The following PAQR6 variants were observed in gnomAD, a reference collection of about 807,000 sequenced individuals.
PAQR6 encodes the protein membrane progestin receptor delta.
Under a neutral mutation model 36.2 loss-of-function variants are expected in PAQR6, and 34 were observed. That is an observed-to-expected ratio of 0.94 (90% CI 0.71 to 1.25). The LOEUF (loss-of-function observed/expected upper bound fraction) is 1.25, where lower values mean the gene tolerates loss of function less well. Among genes scored for constraint, PAQR6 ranks in the 50% most tolerant of loss-of-function variants. PAQR6 has a pLI of 0.00. For missense variants in PAQR6, 431 were observed against 445.7 expected (o/e 0.97, Z 0.30); for synonymous variants, 190 against 190.7 (o/e 1.00, Z 0.03).
intron 5 of PAQR6, 110 bp downstream of exon 5, chr1:156,245,425 G>C: frequency 6.7e-7 from 1 of 1,493,720 alleles, no homozygotes; most frequent in Non-Finnish European, 9.2e-7. Flanking sequence ...GACAGAGGAA[G>C]TCCTCAGTAC....
chr1:156,245,380 A>G, intron 5 of PAQR6, 142 bp from the exon 6 acceptor site: 1 of 1,384,044 alleles, frequency 7.2e-7, no homozygotes, highest in Non-Finnish European at 1.0e-6. Context: ...CCTCCTGTGT[A>G]AAGGACCACA....
Position 156,245,807 on chromosome 1 carries a change from G to C in PAQR6, c.360C>G (p.Tyr120Ter). ...CCAGACTGTAGAGGCTGAGCGCGCC[G>C]TAGTCGAGGAAGTAGCAGATGTGGC... is the stretch of plus-strand genomic sequence containing the variant. ...RMRHICYFLDYGALSLYSLGC... is the reference protein window; with the variant it reads ...RMRHICYFLD Residue 120 changes from tyrosine (Y) to a stop codon, truncating the protein, a stop_gained, in exon 4 of 8, where the codon TAC becomes TAG. Coordinates refer to ENST00000292291, the MANE Select transcript of PAQR6 (RefSeq NM_198406.3). LOFTEE classifies it high-confidence loss of function. The C allele has an allele frequency of 6.2e-7, 1 of 1,603,676 alleles. No individual in the cohort carries two copies. The highest frequency in any genetic ancestry group is 8.5e-7 in the Non-Finnish European group (1 of 1,175,632).
intron 5 of PAQR6, 125 bp from the exon 6 acceptor site, chr1:156,245,363 C>A (rs1360618915): frequency 7.4e-6 from 10 of 1,359,942 alleles, no homozygotes; most frequent in Non-Finnish European, 1.0e-5. Flanking sequence ...ACCGTTAGGG[C>A]ATATGACCTC....
chr1:156,245,261 C>T (rs370031756), intron 5 of PAQR6, 23 bp from the exon 6 acceptor site: 3 of 1,596,082 alleles, frequency 1.9e-6, no homozygotes, highest in Admixed American at 1.7e-5. Context: ...AGGAAAAGGC[C>T]GGTCACCATC....
chr1:156,246,651 G>T (rs748134443), intron 2 of PAQR6, 30 bp downstream of exon 2: 1 of 1,611,174 alleles, frequency 6.2e-7, no homozygotes, highest in Non-Finnish European at 8.5e-7. Context: ...GGGAATGGGG[G>T]TTGGTGGGTC....
At position 156,248,035 on chromosome 1, in the gene PAQR6, G is replaced by C. The variant is rs879808988; in HGVS notation, c.-104C>G. ...CGGGCGGAGTCCAAGGCTGCTGCCA[G>C]CCAGGCTGATGGAGGAAGAGTGGCC... On this transcript the variant is annotated 5_prime_UTR_variant, in exon 1 of 8. Transcript: ENST00000292291. 1.2e-4 allele frequency: 55 copies of C among 463,192 alleles called. No homozygotes were observed. The highest frequency in any genetic ancestry group is 2.2e-4 in the Non-Finnish European group (48 of 223,120). 28.7% of individuals were successfully genotyped at this position (463,192 alleles called of 1,614,324 possible).
chr1:156,244,972 C>T, intron 6 of PAQR6, 61 bp from the exon 7 acceptor site: 5 of 1,597,222 alleles, frequency 3.1e-6, no homozygotes, highest in Non-Finnish European at 4.3e-6. Context: ...TGGGGTGTGT[C>T]TGGGATCTGG....
chr1:156,245,356 G>A (rs1156710170), intron 5 of PAQR6, 118 bp from the exon 6 acceptor site: 4 of 1,372,106 alleles, frequency 2.9e-6, no homozygotes, highest in Admixed American at 1.8e-5. Context: ...TAAGAAAACC[G>A]TTAGGGCATA....
At position 156,245,806 on chromosome 1, in the gene PAQR6, C is replaced by T. The variant is rs201695635; in HGVS notation, c.361G>A (p.Gly121Ser). 1.7e-4 allele frequency: 270 copies of T among 1,603,296 alleles called. No homozygotes were observed. Among genetic ancestry groups the T allele is most frequent in the Admixed American group, 1.7e-4 (10 of 58,058 alleles). The change falls in exon 4 of 8, where the codon GGC (glycine) becomes AGC (serine). Residue 121 changes from glycine (G) to serine (S), a missense_variant. Transcript: ENST00000292291. Reference protein sequence around the residue: ...MRHICYFLDYGALSLYSLGCA... With the variant: ...MRHICYFLDYSALSLYSLGCA... ...CCCAGACTGTAGAGGCTGAGCGCGC[C>T]GTAGTCGAGGAAGTAGCAGATGTGG... is the stretch of plus-strand genomic sequence containing the variant.
chr1:156,246,150 T>C lies in PAQR6; in HGVS notation c.152A>G (p.Asn51Ser). 6.2e-7 allele frequency: 1 copy of C among 1,613,170 alleles called. No individual in the cohort carries two copies. Residue 51 changes from asparagine (N) to serine (S), a missense_variant, in exon 3 of 8, where the codon AAC becomes AGC. Coordinates refer to ENST00000292291, the MANE Select transcript of PAQR6 (RefSeq NM_198406.3). Reference sequence around the variant, plus strand: ...GGTGGGCAGGAAGTGAGTCCAGATGTTGACCGTCTCGTTGGTCATCTGGAA... The same window carrying C: ...GGTGGGCAGGAAGTGAGTCCAGATGCTGACCGTCTCGTTGGTCATCTGGAA... ...SSFQMTNETV[N>S]IWTHFLPTWY...
Position 156,245,770 on chromosome 1 carries a change from T to C in PAQR6, c.385+12A>G. The C allele has an allele frequency of 6.3e-7, 1 of 1,583,156 alleles. No individual in the cohort carries two copies. Among genetic ancestry groups the C allele is most frequent in the Admixed American group, 1.8e-5 (1 of 54,644 alleles). Reference sequence around the variant, plus strand: ...CGCCCAGACCCCGCGCTCCCGCGCCTGTCCGGCTCACCCAGACTGTAGAGG... The same window carrying C: ...CGCCCAGACCCCGCGCTCCCGCGCCCGTCCGGCTCACCCAGACTGTAGAGG... On this transcript the variant is annotated intron_variant, in intron 4 of 7. Transcript: ENST00000292291.
Position 156,244,000 on chromosome 1 carries a change from C to T in PAQR6, c.*129G>A. 6.2e-7 allele frequency: 1 copy of T among 1,614,192 alleles called. No individual in the cohort carries two copies. Among genetic ancestry groups the T allele is most frequent in the Non-Finnish European group, 8.5e-7 (1 of 1,180,024 alleles). On this transcript the variant is annotated 3_prime_UTR_variant, in exon 8 of 8. Coordinates refer to ENST00000292291, the MANE Select transcript of PAQR6 (RefSeq NM_198406.3). ...CTCTTCTCTGCCCTCTCTCCTGTGC[C>T]CTCTCTCCTCAGCCCCTGTTGGTTC...
chr1:156,244,905 G>A lies in PAQR6; in HGVS notation c.616C>T (p.Leu206=). The change falls in exon 7 of 8, where the codon CTG becomes TTG. Residue 206 remains leucine (L), a synonymous_variant. Transcript: ENST00000292291. ...DNLPLFYRLG[L]CWGRGHGCGQ... is the part of the protein sequence containing the mutation. ...CAGCCGTGGCCCCTGCCCCAGCACAGCCCGAGCTGTCAAAGGAAAACCAAG... is the reference window on the plus strand; with the variant it reads ...CAGCCGTGGCCCCTGCCCCAGCACAACCCGAGCTGTCAAAGGAAAACCAAG... 5 of 1,612,452 alleles carry A rather than the reference G, an allele frequency of 3.1e-6. No homozygotes were observed. The highest frequency in any genetic ancestry group is 4.2e-6 in the Non-Finnish European group (5 of 1,179,758).
In PAQR6 at chr1:156,246,104, G is replaced by T; in HGVS notation, c.179+19C>A. ...CCTCTGAGCTCAAGGCCGCGGCCTG[G>T]GGCGGAGCCTCCCCTCACCAGGTGG... On this transcript the variant is annotated intron_variant, in intron 3 of 7. Transcript: ENST00000292291. The T allele has an allele frequency of 6.2e-7, 1 of 1,609,912 alleles. No homozygotes were observed. The highest frequency in any genetic ancestry group is 1.1e-5 in the South Asian group (1 of 91,058).
chr1:156,246,141 G>T lies in PAQR6; in HGVS notation c.161C>A (p.Thr54Asn). The T allele has an allele frequency of 6.2e-7, 1 of 1,612,898 alleles. No individual in the cohort carries two copies. The stretch of plus-strand genomic sequence containing the variant: ...CCCTCACCAGGTGGGCAGGAAGTGA[G>T]TCCAGATGTTGACCGTCTCGTTGGT... ...QMTNETVNIW[T>N]HFLPTWYFLW... Residue 54 changes from threonine to asparagine, a missense_variant, in exon 3 of 8, where the codon ACT becomes AAT. Physicochemically the swap from Thr to Asn is moderately conservative, Grantham distance 65. Transcript: ENST00000292291.
chr1:156,246,206 G>T lies in PAQR6; in HGVS notation c.96C>A (p.Thr32=). 3 of 1,613,758 alleles carry T rather than the reference G, an allele frequency of 1.9e-6. No individual in the cohort carries two copies. The highest frequency in any genetic ancestry group is 2.5e-6 in the Non-Finnish European group (3 of 1,180,002). ...DGIMSGYRRP[T]SSALDCVLSS... Reference sequence around the variant, plus strand: ...TGAGGACACAGTCCAAAGCCGAGCTGGTGGGGCGGCGGTAGCCAGACATGA... The same window carrying T: ...TGAGGACACAGTCCAAAGCCGAGCTTGTGGGGCGGCGGTAGCCAGACATGA... The change falls in exon 3 of 8, where the codon ACC becomes ACA. Residue 32 remains threonine (T), a synonymous_variant. Coordinates refer to ENST00000292291, the MANE Select transcript of PAQR6 (RefSeq NM_198406.3).
At chr1:156,245,326 A>C in intron 5 of PAQR6, 88 bp from the exon 6 acceptor site, 1 of 1,404,584 alleles carries the variant, frequency 7.1e-7, no homozygotes, top group Non-Finnish European at 1.0e-6. Context: ...CAAAGATGGA[A>C]TATCAGCACA....
Position 156,245,859 on chromosome 1 carries a change from G to T in PAQR6, c.308C>A (p.Thr103Asn). The change falls in exon 4 of 8, where the codon ACC (threonine) becomes AAC (asparagine). Residue 103 changes from threonine (T) to asparagine (N), a missense_variant. Transcript: ENST00000292291. ...CATGCGGGGCGACATGGAGCTGAAGGTGTGCGCGCAGCACGACGCGAAGGG... is the reference window on the plus strand; with the variant it reads ...CATGCGGGGCGACATGGAGCTGAAGTTGTGCGCGCAGCACGACGCGAAGGG... ...LYPFASCCAH[T>N]FSSMSPRMRH... 1.9e-6 allele frequency: 3 copies of T among 1,604,894 alleles called. No homozygotes were observed. The highest frequency in any genetic ancestry group is 2.6e-6 in the Non-Finnish European group (3 of 1,176,416).
In PAQR6 at chr1:156,245,884, G is replaced by T. The variant is rs370037950; in HGVS notation, c.283C>A (p.Pro95Thr). ...LVFLLPACLYPFASCCAHTFS... is the reference protein window; with the variant it reads ...LVFLLPACLYTFASCCAHTFS... ...GTGTGCGCGCAGCACGACGCGAAGG[G>T]GTAGAGGCAGGCGGGCAGCAGGAAG... Residue 95 changes from proline (P) to threonine (T), a missense_variant, in exon 4 of 8, where the codon CCC becomes ACC. Pro to Thr is a conservative substitution (Grantham distance 38). Coordinates refer to ENST00000292291, the MANE Select transcript of PAQR6 (RefSeq NM_198406.3). 10 of 1,595,828 alleles carry T rather than the reference G, an allele frequency of 6.3e-6. No individual in the cohort carries two copies. Among genetic ancestry groups the T allele is most frequent in the Admixed American group, 5.3e-5 (3 of 56,644 alleles).
Sources: allele counts gnomAD v4.1 joint callset, GRCh38; gene constraint gnomAD v4.1.1; transcripts MANE v1.5; gene names NCBI Gene and HGNC (gene_info 2026-07-23, HGNC 2026-07-21).